Variants in CYP4V2 observed in about 807,000 individuals in gnomAD.
The protein encoded by CYP4V2 is cytochrome P450 4V2.
CYP4V2 carries 55 observed loss-of-function variants against 60.8 expected under a neutral mutation model. That is an observed-to-expected ratio of 0.90 (90% CI 0.73 to 1.13). The LOEUF is 1.13. Among genes scored for constraint, CYP4V2 ranks in the 50% most tolerant of loss-of-function variants. The pLI, the probability that CYP4V2 is intolerant of heterozygous loss-of-function variation, is 0.00. For missense variants in CYP4V2, 675 were observed against 662.9 expected, an observed-to-expected ratio of 1.02 and a Z score of -0.20; for synonymous variants, 239 against 236.8, an observed-to-expected ratio of 1.01 and a Z score of -0.08.
intron 7 of CYP4V2, chr4:186,201,562 A>C (rs994948612): frequency 9.3e-6 from 4 of 429,600 alleles, no homozygotes; most frequent in Admixed American, 4.0e-5. Context: ...CAGTAGACAC[A>C]TTTGTTTTTC....
At chr4:186,196,167 C>T (rs1579963474) in intron 3 of CYP4V2, 79 bp downstream of exon 3, 1 of 1,238,516 alleles carries the variant, frequency 8.1e-7, no homozygotes, top group Non-Finnish European at 1.2e-6. Flanking sequence ...AGAATTAACA[C>T]AGGGTAGCTT....
chr4:186,205,363 G>A, intron 8 of CYP4V2, 61 bp downstream of exon 8: 2 of 1,499,900 alleles, frequency 1.3e-6, no homozygotes, highest in Non-Finnish European at 1.9e-6. Flanking sequence ...AGATGTCACT[G>A]TGTTGTAAAC....
In CYP4V2 at chr4:186,195,545, C is replaced by T. The variant is rs1208128032; in HGVS notation, c.328-458C>T. 2.0e-5 allele frequency among the ~76,000 whole-genome samples: 3 copies of T among 152,158 alleles called. No individual in the cohort carries two copies. Among genetic ancestry groups the T allele is most frequent in the Non-Finnish European group, 2.9e-5 (2 of 68,018 alleles). On this transcript the variant is annotated intron_variant, in intron 2 of 10. Transcript: ENST00000378802. This position sits in a 1 kb window ranked among gnomAD's most constrained non-coding sequence, Gnocchi z 4.1. Reference sequence around the variant, plus strand: ...TGCTGCCTCTATGCTGGGGACACTCCGAACAGGCATCTCCAGCTCAGGCCT... The same window carrying T: ...TGCTGCCTCTATGCTGGGGACACTCTGAACAGGCATCTCCAGCTCAGGCCT...
intron 5 of CYP4V2, 126 bp downstream of exon 5, chr4:186,197,728 C>T (rs1239625970): frequency 1.0e-6 from 1 of 959,860 alleles, no homozygotes; most frequent in African/African-American, 1.6e-5. Flanking sequence ...AGAAGTTAAC[C>T]TCATCATGTA....
chr4:186,209,358 C>A, intron 10 of CYP4V2, 86 bp downstream of exon 10: 1 of 1,536,662 alleles, frequency 6.5e-7, no homozygotes, highest in Non-Finnish European at 9.0e-7. Flanking sequence ...TGTGATGTGA[C>A]ATTGCCCATA....
chr4:186,206,901 T>G (rs1736523900), intron 8 of CYP4V2, among the ~76,000 whole-genome samples: 1 of 152,210 alleles, frequency 6.6e-6, no homozygotes, highest in Admixed American at 6.5e-5. Flanking sequence ...GTGGATAAAT[T>G]TGGTCTTCCA....
At chr4:186,209,516 G>A (rs1736642435) in intron 10 of CYP4V2, among the ~76,000 whole-genome samples, 1 of 152,180 alleles carries the variant, frequency 6.6e-6, no homozygotes, top group Non-Finnish European at 1.5e-5. Flanking sequence ...GGCTTAAACA[G>A]CAGAAATTTA....
rs917765906 is a variant in CYP4V2 at position 186,191,654 on chromosome 4, GGCC to G, written c.-163_-161del. ...GGAACAGCCCCGTGGCGCCCTCTCT[GGCC>G]GCCGCCCGGGCGGGAAACGTCGTTC... On this transcript the variant is annotated 5_prime_UTR_variant, in exon 1 of 11. Transcript: ENST00000378802. 1.3e-5 allele frequency: 7 copies of G among 537,004 alleles called. No individual in the cohort carries two copies. In the African/African-American group the frequency reaches 1.4e-4, roughly 11 times the overall value. 33.3% of individuals were successfully genotyped at this position (537,004 alleles called of 1,614,324 possible). A position where few individuals can be genotyped will look rare whatever the true frequency, so the allele number is the denominator to read the frequency against.
chr4:186,196,805 C>T lies in CYP4V2; in HGVS notation c.414-135C>T, dbSNP rs72646256. Reference sequence around the variant, plus strand: ...TCATTCTGCCAAAAGCATTTGAGAACCTGTAGATGAAGCTGTTTCAGGAGA... The same window carrying T: ...TCATTCTGCCAAAAGCATTTGAGAATCTGTAGATGAAGCTGTTTCAGGAGA... On this transcript the variant is annotated intron_variant, in intron 3 of 10. Transcript: ENST00000378802. The T allele has an allele frequency of 3.1e-3, 2,438 of 774,934 alleles. 40 individuals are homozygous for T. The African/African-American group carries it at 0.035, about 11-fold the overall frequency. 48.0% of individuals were successfully genotyped at this position (774,934 alleles called of 1,614,324 possible).
At chr4:186,197,448 G>T (rs1426710786) in intron 4 of CYP4V2, 85 bp from the exon 5 acceptor site, 1 of 1,310,756 alleles carries the variant, frequency 7.6e-7, no homozygotes, top group Non-Finnish European at 1.1e-6. Context: ...CAGGATGTAC[G>T]TCTTTAGTGT....
intron 6 of CYP4V2, among the ~76,000 whole-genome samples, chr4:186,199,656 G>T (rs1736253010): frequency 6.6e-6 from 1 of 152,100 alleles, no homozygotes; most frequent in South Asian, 2.1e-4. Flanking sequence ...AAAGGCAGAG[G>T]GCATTGATAG....
intron 8 of CYP4V2, among the ~76,000 whole-genome samples, chr4:186,205,809 C>T (rs1736479844): frequency 1.3e-5 from 2 of 152,226 alleles, no homozygotes; most frequent in East Asian, 1.9e-4. Context: ...TGCCCTTTTG[C>T]TCCCAGCCAT....
At position 186,209,100 on chromosome 4, in the gene CYP4V2, C is replaced by G; in HGVS notation, c.1233C>G (p.Tyr411Ter). Residue 411 changes from tyrosine to a stop codon, truncating the protein, a stop_gained, in exon 10 of 11, where the codon TAC becomes TAG. Coordinates refer to ENST00000378802, the MANE Select transcript of CYP4V2 (RefSeq NM_207352.4). LOFTEE classifies it high-confidence loss of function. ...TTGACTACTTCTTGACAGCAGGTTACAGAGTTCTAAAAGGCACTGAAGCCG... is the reference window on the plus strand; with the variant it reads ...TTGACTACTTCTTGACAGCAGGTTAGAGAGTTCTAAAAGGCACTGAAGCCG... Reference protein sequence around the residue: ...SVSEDCEVAGYRVLKGTEAVI... With the variant: ...SVSEDCEVAG The G allele has an allele frequency of 6.2e-7, 1 of 1,614,138 alleles. No homozygotes were observed. Among genetic ancestry groups the G allele is most frequent in the South Asian group, 1.1e-5 (1 of 91,080 alleles).
rs1200468904 is a variant in CYP4V2, at chr4:186,196,845, C to T, written c.414-95C>T. ...GTTTCAGGAGAATTTTGTTGACTTGCTATATTTATGCTTTAATCGTTTTGG... is the reference window on the plus strand; with the variant it reads ...GTTTCAGGAGAATTTTGTTGACTTGTTATATTTATGCTTTAATCGTTTTGG... On this transcript the variant is annotated intron_variant, in intron 3 of 10. Transcript: ENST00000378802. The T allele has an allele frequency of 3.1e-6, 4 of 1,298,576 alleles. No homozygotes were observed. The Admixed American group carries it at 6.5e-5, about 21-fold the overall frequency. 80.4% of individuals were successfully genotyped at this position (1,298,576 alleles called of 1,614,324 possible).
chr4:186,193,071 C>T (rs772202318), intron 1 of CYP4V2, among the ~76,000 whole-genome samples: 1 of 152,214 alleles, frequency 6.6e-6, no homozygotes, highest in Admixed American at 6.5e-5. Context: ...CAAGCGAACT[C>T]TTTGCCAACC....
At chr4:186,192,410 T>TTAAC (rs1324339652) in intron 1 of CYP4V2, 16 of 412,424 alleles carry the variant, frequency 3.9e-5, no homozygotes, top group South Asian at 3.0e-4. Context: ...GGCCAACACC[T>TTAAC]TAACGCCCAG....
chr4:186,201,945 G>A (rs946814639), intron 7 of CYP4V2: 2 of 152,740 alleles, frequency 1.3e-5, no homozygotes, highest in African/African-American at 4.8e-5. Context: ...GTTTTTAGAA[G>A]CCATGTAGTA....
chr4:186,203,305 A>C (rs10000459), intron 7 of CYP4V2: 65,023 of 152,262 alleles, frequency 0.43, 14,336 homozygotes, highest in African/African-American at 0.5. Flanking sequence ...TTGACATTCT[A>C]ATTGTTTTCT....
At chr4:186,209,519 G>T (rs1476908508) in intron 10 of CYP4V2, among the ~76,000 whole-genome samples, 1 of 152,206 alleles carries the variant, frequency 6.6e-6, no homozygotes, top group Non-Finnish European at 1.5e-5. Context: ...TTAAACAGCA[G>T]AAATTTATTT....
Sources: gnomAD v4.1 joint callset for allele counts (sites outside exome capture counted in the v4.1 genomes callset) on GRCh38, gnomAD v4.1.1 for gene constraint, Gnocchi (gnomAD v3.1) non-coding constraint, MANE v1.5 for transcripts, NCBI Gene and HGNC (gene_info 2026-07-23, HGNC 2026-07-21) for gene names.